The following EPN2 variants were observed in gnomAD, a reference collection of about 807,000 sequenced individuals.
EPN2 encodes epsin-2.
EPN2 carries 34 observed loss-of-function variants against 61.7 expected under a neutral mutation model. That is an observed-to-expected ratio of 0.55 (90% CI 0.42 to 0.73). The LOEUF (loss-of-function observed/expected upper bound fraction) is 0.73, where lower values mean the gene tolerates loss of function less well. Ranked by LOEUF, EPN2 falls within the 30% of genes least tolerant of loss-of-function variation. The probability of loss-of-function intolerance (pLI) is 0.00; values close to 1 mark genes in which losing one functional copy is unlikely to be tolerated. For missense variants in EPN2, 714 were observed against 839.2 expected, an observed-to-expected ratio of 0.85 and a Z score of 1.84; for synonymous variants, 349 against 353.6, an observed-to-expected ratio of 0.99 and a Z score of 0.15.
intron 1 of EPN2, among the ~76,000 whole-genome samples, chr17:19,270,826 C>T (rs536329222): frequency 6.6e-6 from 1 of 152,252 alleles, no homozygotes; most frequent in South Asian, 2.1e-4. Context: ...ATTCTCAGGC[C>T]CCGTGGTGCC....
chr17:19,332,057 T>C lies in EPN2; in HGVS notation c.1616T>C (p.Phe539Ser). The C allele has an allele frequency of 6.2e-7, 1 of 1,609,110 alleles. No homozygotes were observed. Among genetic ancestry groups the C allele is most frequent in the Non-Finnish European group, 8.5e-7 (1 of 1,179,118 alleles). The change falls in exon 10 of 11, where the codon TTC becomes TCC. Residue 539 changes from phenylalanine (F) to serine (S), a missense_variant. Phe to Ser is a radical substitution (Grantham distance 155, BLOSUM62 -2). Coordinates refer to ENST00000314728, the MANE Select transcript of EPN2 (RefSeq NM_014964.5). The part of the protein sequence containing the change: ...PAPPAQSLNP[F>S]LAPGAPATSA... ...CCACCAGCCCAGTCCCTCAACCCTT[T>C]CCTGGCACCAGGTAGGCTCTCATCC...
chr17:19,281,054 G>A (rs1292386677), intron 1 of EPN2, among the ~76,000 whole-genome samples: 3 of 152,208 alleles, frequency 2.0e-5, no homozygotes, highest in African/African-American at 7.2e-5. Flanking sequence ...GAGAAGGAGT[G>A]CAGAGCTTCC....
intron 1 of EPN2, among the ~76,000 whole-genome samples, chr17:19,250,275 T>A (rs1015632563): frequency 6.6e-6 from 1 of 151,992 alleles, no homozygotes; most frequent in Non-Finnish European, 1.5e-5. Context: ...TTGTATTTTT[T>A]AATAGAGATA....
chr17:19,312,543 A>G (rs1351963052), intron 6 of EPN2, among the ~76,000 whole-genome samples: 2 of 152,222 alleles, frequency 1.3e-5, no homozygotes, highest in Non-Finnish European at 2.9e-5. Flanking sequence ...AGAGATGACC[A>G]GGACATGGCT....
chr17:19,329,463 C>A, intron 8 of EPN2, 98 bp from the exon 9 acceptor site: 1 of 694,468 alleles, frequency 1.4e-6, no homozygotes, highest in Non-Finnish European at 2.5e-6. Flanking sequence ...GGGGAGAGGC[C>A]CCTGTTGCCA....
intron 1 of EPN2, among the ~76,000 whole-genome samples, chr17:19,274,921 C>G (rs1226485827): frequency 6.6e-6 from 1 of 152,088 alleles, no homozygotes; most frequent in Non-Finnish European, 1.5e-5. Flanking sequence ...TTTTCAGTCT[C>G]TACTCTCATT....
chr17:19,335,560 G>T lies in EPN2; in HGVS notation c.*1306G>T. ...ATGGCAGTTGTCCCGAGGGCGTGGG[G>T]TGGGGGGTGCTTCTGTGCCCACGGG... On this transcript the variant is annotated 3_prime_UTR_variant, in exon 11 of 11. Coordinates refer to ENST00000314728, the MANE Select transcript of EPN2 (RefSeq NM_014964.5). 2.9e-6 allele frequency: 4 copies of T among 1,365,634 alleles called. No homozygotes were observed. The East Asian group carries it at 1.0e-4, about 35-fold the overall frequency. The allele number at this position is 1,365,634 out of a possible 1,614,324, so 84.6% of individuals were successfully genotyped here. A position where few individuals can be genotyped will look rare whatever the true frequency, so the allele number is the denominator to read the frequency against.
intron 7 of EPN2, among the ~76,000 whole-genome samples, chr17:19,315,362 G>A (rs1187047148): frequency 6.6e-6 from 1 of 152,170 alleles, no homozygotes. Flanking sequence ...TGTGAGCGGA[G>A]GAGTCTCCCC....
chr17:19,313,230 G>C lies in EPN2; in HGVS notation c.1098G>C (p.Trp366Cys). 6.3e-7 allele frequency: 1 copy of C among 1,594,808 alleles called. No individual in the cohort carries two copies. The highest frequency in any genetic ancestry group is 8.5e-7 in the Non-Finnish European group (1 of 1,173,296). ...CCTCCACTAACCAGACCAACCCCTG[G>C]GGCGGGCCAGCGGCTCCTGCGAGTA... ...PSASTNQTNP[W>C]GGPAAPASTS... is the part of the protein sequence containing the mutation. The change falls in exon 7 of 11, where the codon TGG becomes TGC. Residue 366 changes from tryptophan to cysteine, a missense_variant. Around this residue, in one of 2 missense-constraint regions of EPN2, gnomAD observed 410 missense variants for 421.8 expected, o/e 0.97. Transcript: ENST00000314728.
Position 19,309,897 on chromosome 17 carries a change from G to C in EPN2, c.779G>C (p.Arg260Pro), listed in dbSNP as rs377333169. 2 of 1,607,588 alleles carry C rather than the reference G, an allele frequency of 1.2e-6. No individual in the cohort carries two copies. The highest frequency in any genetic ancestry group is 1.6e-4 in the Middle Eastern group (1 of 6,062). ...TCTTCCCCAACAGCCACCTCCCCGC[G>C]AGTGTCCTCCGAGCTGGAGCAAGCC... ...CDRAARATSP[R>P]VSSELEQARP... The change falls in exon 5 of 11, where the codon CGA becomes CCA. Residue 260 changes from arginine to proline, a missense_variant. By Grantham distance (103) the Arg-to-Pro change is moderately radical. Coordinates refer to ENST00000314728, the MANE Select transcript of EPN2 (RefSeq NM_014964.5).
chr17:19,294,335 G>A (rs1031243778), intron 4 of EPN2, among the ~76,000 whole-genome samples: 3 of 152,106 alleles, frequency 2.0e-5, no homozygotes, highest in East Asian at 3.9e-4. Flanking sequence ...GGGAGGAATC[G>A]CCTGAGCTCA....
At chr17:19,311,862 G>A (rs780735010) in intron 5 of EPN2, among the ~76,000 whole-genome samples, 190 bp from the exon 6 acceptor site, 7 of 152,356 alleles carry the variant, frequency 4.6e-5, no homozygotes, top group Middle Eastern at 3.4e-3. Flanking sequence ...CACAGGAGTC[G>A]CCATGAGGGA....
intron 1 of EPN2, among the ~76,000 whole-genome samples, chr17:19,262,254 G>A (rs1452028161): frequency 1.3e-5 from 2 of 151,930 alleles, no homozygotes; most frequent in African/African-American, 4.8e-5. Context: ...CAAGGCGGGC[G>A]GACCACCTGA....
rs1213672010 is a variant in EPN2, at chr17:19,310,121, A to G, written c.879+124A>G. 4 of 686,384 alleles carry G rather than the reference A, an allele frequency of 5.8e-6. No homozygotes were observed. The East Asian group carries it at 1.1e-4, about 19-fold the overall frequency. The allele number at this position is 686,384 out of a possible 1,614,324, so 42.5% of individuals were successfully genotyped here. Reference sequence around the variant, plus strand: ...AAACATTTCAGATATGCTTGCTGAGATGGCATTTCATGCTGCCGTAAGTGT... The same window carrying G: ...AAACATTTCAGATATGCTTGCTGAGGTGGCATTTCATGCTGCCGTAAGTGT... On this transcript the variant is annotated intron_variant, in intron 5 of 10. Transcript: ENST00000314728.
At position 19,334,646 on chromosome 17, in the gene EPN2, A is replaced by C. The variant is rs944977918; in HGVS notation, c.*392A>C. On this transcript the variant is annotated 3_prime_UTR_variant, in exon 11 of 11. Coordinates refer to ENST00000314728, the MANE Select transcript of EPN2 (RefSeq NM_014964.5). This position sits in a 1 kb window ranked among gnomAD's most constrained non-coding sequence, Gnocchi z 4.9. Reference sequence around the variant, plus strand: ...CACCCCCCAGCCCTAGGGACACCCCAGGCAGTCCTGGGTGTGGACACGATG... The same window carrying C: ...CACCCCCCAGCCCTAGGGACACCCCCGGCAGTCCTGGGTGTGGACACGATG... 21 of 168,028 alleles carry C rather than the reference A, an allele frequency of 1.2e-4. No homozygotes were observed. The highest frequency in any genetic ancestry group is 2.7e-3 in the Middle Eastern group (1 of 370). The allele number at this position is 168,028 out of a possible 1,614,324, so 10.4% of individuals were successfully genotyped here.
chr17:19,238,287 C>T (rs1386154661), intron 1 of EPN2, among the ~76,000 whole-genome samples: 2 of 152,210 alleles, frequency 1.3e-5, no homozygotes, highest in Admixed American at 1.3e-4. Flanking sequence ...GGAGAGACTT[C>T]CTCTCTCTCC....
At chr17:19,304,657 C>T (rs912666681) in intron 4 of EPN2, among the ~76,000 whole-genome samples, 3 of 152,226 alleles carry the variant, frequency 2.0e-5, no homozygotes, top group Non-Finnish European at 1.5e-5. Flanking sequence ...CTCCTGACCC[C>T]TTGGTAGGTC....
At chr17:19,255,897 A>G (rs948922071) in intron 1 of EPN2, among the ~76,000 whole-genome samples, 1 of 152,014 alleles carries the variant, frequency 6.6e-6, no homozygotes, top group Non-Finnish European at 1.5e-5. Context: ...TGTTGGTATT[A>G]CAGACATGAG....
At chr17:19,309,686 G>A (rs748380965) in intron 4 of EPN2, among the ~76,000 whole-genome samples, 199 bp from the exon 5 acceptor site, 1 of 152,178 alleles carries the variant, frequency 6.6e-6, no homozygotes, top group Non-Finnish European at 1.5e-5. Flanking sequence ...CTGTAGTTGG[G>A]AAAGCTACGT....
Sources: gnomAD v4.1 joint callset for allele counts (sites outside exome capture counted in the v4.1 genomes callset) on GRCh38, gnomAD v4.1.1 for gene constraint, gnomAD v4.1.1 regional missense constraint, Gnocchi (gnomAD v3.1) non-coding constraint, MANE v1.5 for transcripts, NCBI Gene and HGNC (gene_info 2026-07-23, HGNC 2026-07-21) for gene names.